CUX1: variants seen among roughly 807,000 people sequenced by gnomAD.
CUX1 encodes protein CASP.
In CUX1, 31 loss-of-function variants were observed where a neutral mutation model predicts 158.8. That is an observed-to-expected ratio of 0.20 (90% CI 0.15 to 0.26). The LOEUF (loss-of-function observed/expected upper bound fraction) is 0.26, where lower values mean the gene tolerates loss of function less well. CUX1 is among the 10% of genes least tolerant of loss of function. The pLI is 1.00. For missense variants in CUX1, 1,589 were observed against 2,014.6 expected (o/e 0.79, Z 4.04); for synonymous variants, 879 against 862.1 (o/e 1.02, Z -0.34).
intron 1 of CUX1, among the ~76,000 whole-genome samples, chr7:101,857,939 A>G (rs1318487498): frequency 6.6e-6 from 1 of 152,156 alleles, no homozygotes; most frequent in African/African-American, 2.4e-5. Context: ...CCTGGCCAAC[A>G]TGGTGAAACC....
In CUX1 at chr7:102,068,776, C is replaced by T. The variant is rs116451032; in HGVS notation, c.190-1563C>T. On this transcript the variant is annotated intron_variant, in intron 3 of 23. Transcript: ENST00000292535. ...TATAATTTCCTGTCCTTTGCCTGAG[C>T]CAGTATGACATTGGTACATGTGCAG... Among the ~76,000 whole-genome samples the T allele has an allele frequency of 5.8e-3, 877 of 152,282 alleles. 8 individuals carry two copies. The highest frequency in any genetic ancestry group is 0.02 in the African/African-American group (848 of 41,566).
At chr7:102,028,887 C>T (rs574626593) in intron 3 of CUX1, among the ~76,000 whole-genome samples, 9 of 152,024 alleles carry the variant, frequency 5.9e-5, no homozygotes, top group South Asian at 2.1e-4. Flanking sequence ...TAGCTTCTCC[C>T]GACGGAAAAA....
At chr7:102,099,472 C>A (rs1308752208) in intron 5 of CUX1, among the ~76,000 whole-genome samples, 4 of 116,292 alleles carry the variant, frequency 3.4e-5, no homozygotes, top group Non-Finnish European at 7.1e-5. Flanking sequence ...GGGGAGTATC[C>A]TGGTTTTTTT....
intron 6 of CUX1, among the ~76,000 whole-genome samples, chr7:102,105,176 T>TACACACACACAC (rs3076512): frequency 1.9e-4 from 27 of 144,424 alleles, no homozygotes; most frequent in Non-Finnish European, 2.7e-4. Flanking sequence ...TATTTAATAT[T>TACACACACACAC]ACACACACAC....
chr7:102,109,417 A>G (rs1187965969), intron 6 of CUX1, among the ~76,000 whole-genome samples: 1 of 152,230 alleles, frequency 6.6e-6, no homozygotes, highest in Admixed American at 6.5e-5. Context: ...ATACGAAAAC[A>G]CACTTACATA....
chr7:101,923,943 C>T (rs936594904), intron 2 of CUX1, among the ~76,000 whole-genome samples: 2 of 152,210 alleles, frequency 1.3e-5, no homozygotes, highest in Admixed American at 1.3e-4. Context: ...TTCTGTGTTC[C>T]CGGGTAGCAG....
At chr7:102,207,455 AT>A (rs535860482) in intron 20 of CUX1, among the ~76,000 whole-genome samples, 581 of 146,716 alleles carry the variant, frequency 4.0e-3, no homozygotes, top group East Asian at 0.02. Flanking sequence ...AGGAAAAAAT[AT>A]TTTTTTTTTT....
intron 17 of CUX1, among the ~76,000 whole-genome samples, chr7:102,277,558 T>C (rs937306566): frequency 6.6e-6 from 1 of 151,672 alleles, no homozygotes; most frequent in Non-Finnish European, 1.5e-5. Flanking sequence ...ATTGATTGCG[T>C]CGTTGCACTC....
intron 1 of CUX1, among the ~76,000 whole-genome samples, chr7:101,865,237 G>A (rs535045672): frequency 3.3e-5 from 5 of 152,182 alleles, no homozygotes; most frequent in African/African-American, 7.2e-5. Flanking sequence ...CACAAAGTCC[G>A]GTTTGTTGAG....
chr7:102,037,354 CTTTT>C (rs769552921), intron 3 of CUX1, among the ~76,000 whole-genome samples: 2 of 139,448 alleles, frequency 1.4e-5, no homozygotes, highest in African/African-American at 5.2e-5. Context: ...CTTTTCTTTT[CTTTT>C]TTTTTTTTTT....
In CUX1 at chr7:101,867,528, G is replaced by A. The variant is rs574051433; in HGVS notation, c.31-48587G>A. The stretch of plus-strand genomic sequence containing the variant: ...GTGTGGCTTCAACCAGGTCACCGTG[G>A]GCACACTGGGAGGGGAGGGCTTCTG... On this transcript the variant is annotated intron_variant, in intron 1 of 23. Coordinates refer to ENST00000292535, the MANE Select transcript of CUX1 (RefSeq NM_181552.4). Among the ~76,000 whole-genome samples, 5 of 152,284 alleles carry A rather than the reference G, an allele frequency of 3.3e-5. No individual in the cohort carries two copies. The South Asian group carries it at 1.0e-3, about 32-fold the overall frequency.
At chr7:102,240,163 C>T (rs1441316542) in intron 23 of CUX1, among the ~76,000 whole-genome samples, 1 of 152,168 alleles carries the variant, frequency 6.6e-6, no homozygotes, top group Non-Finnish European at 1.5e-5. Flanking sequence ...AAGAAAATCA[C>T]CTCTCGATTA....
At chr7:101,924,161 G>A (rs1250141181) in intron 2 of CUX1, among the ~76,000 whole-genome samples, 1 of 152,246 alleles carries the variant, frequency 6.6e-6, no homozygotes, top group South Asian at 2.1e-4. Flanking sequence ...CTGCCATGGG[G>A]AGGAGGACAG....
chr7:102,242,728 C>G (rs928771727), intron 23 of CUX1, among the ~76,000 whole-genome samples: 1 of 152,242 alleles, frequency 6.6e-6, no homozygotes, highest in Non-Finnish European at 1.5e-5. Context: ...AGTCCCCCAA[C>G]AGGCCTCAGC....
At chr7:102,189,971 C>T (rs1467100242) in intron 12 of CUX1, 100 bp downstream of exon 12, 27 of 1,282,168 alleles carry the variant, frequency 2.1e-5, no homozygotes, top group Non-Finnish European at 2.6e-5. Flanking sequence ...GCCCCCTGCC[C>T]TCTGGCTCAG....
At chr7:102,043,453 T>G (rs1333665407) in intron 3 of CUX1, among the ~76,000 whole-genome samples, 7 of 151,928 alleles carry the variant, frequency 4.6e-5, no homozygotes, top group Admixed American at 4.6e-4. Context: ...ATGCTGTACC[T>G]TGGAAAAGAA....
rs1586065080 is a variant in CUX1, at chr7:102,178,090, C to T, written c.829-379C>T. On this transcript the variant is annotated intron_variant, in intron 10 of 23. Transcript: ENST00000292535. ...CTAATTTTTGTATTTTTAGTAGAGACGGGGTTTCACCATGTTGGCCAGGCT... is the reference window on the plus strand; with the variant it reads ...CTAATTTTTGTATTTTTAGTAGAGATGGGGTTTCACCATGTTGGCCAGGCT... 3.3e-5 allele frequency among the ~76,000 whole-genome samples: 5 copies of T among 152,218 alleles called. No homozygotes were observed. The Middle Eastern group carries it at 0.01, about 311-fold the overall frequency.
rs989430818 is a variant in CUX1 at position 101,869,018 on chromosome 7, G to A, written c.31-47097G>A. On this transcript the variant is annotated intron_variant, in intron 1 of 23. Coordinates refer to ENST00000292535, the MANE Select transcript of CUX1 (RefSeq NM_181552.4). The surrounding 1 kb of genome is among the most constrained non-coding windows in gnomAD (Gnocchi z 4.5). ...TGATCTGGGCCATGCCCTGGGAGAC[G>A]CTTCCGCAGGAGATGGTGCGGCTGG... 1.3e-5 allele frequency among the ~76,000 whole-genome samples: 2 copies of A among 152,318 alleles called. No homozygotes were observed. Among genetic ancestry groups the A allele is most frequent in the African/African-American group, 2.4e-5 (1 of 41,566 alleles).
chr7:102,244,735 G>A (rs1800623395), intron 23 of CUX1, among the ~76,000 whole-genome samples: 1 of 152,078 alleles, frequency 6.6e-6, no homozygotes, highest in Admixed American at 6.6e-5. Context: ...ACCCAGGATT[G>A]ATGACGAGAT....
Sources: gnomAD v4.1 joint callset for allele counts (sites outside exome capture counted in the v4.1 genomes callset) on GRCh38, gnomAD v4.1.1 for gene constraint, Gnocchi (gnomAD v3.1) non-coding constraint, MANE v1.5 for transcripts, NCBI Gene and HGNC (gene_info 2026-07-23, HGNC 2026-07-21) for gene names.